The following C12orf76 variants were observed in gnomAD, a reference collection of about 807,000 sequenced individuals.
The protein encoded by C12orf76 is chromosome 12 open reading frame 76.
Under a neutral mutation model 6.8 loss-of-function variants are expected in C12orf76, and 6 were observed. The ratio of observed to expected loss-of-function variants is 0.88; its 90% confidence interval spans 0.48 to 1.73. The LOEUF is 1.73. Among genes scored for constraint, C12orf76 ranks in the 40% most tolerant of loss-of-function variants. The pLI is 0.01. For missense variants in C12orf76, 99 were observed against 98.2 expected (o/e 1.01, Z -0.03); for synonymous variants, 56 against 43.7 (o/e 1.28, Z -1.11).
chr12:110,049,083 C>T (rs1173200095), upstream of C12orf76: 13 of 152,276 alleles, frequency 8.5e-5, no homozygotes, highest in Admixed American at 8.5e-4. Flanking sequence ...AGGACCTGCT[C>T]CGCCCTAGCA....
upstream of C12orf76, among the ~76,000 whole-genome samples, chr12:110,068,495 T>A (rs1892921694): frequency 6.6e-6 from 1 of 152,160 alleles, no homozygotes; most frequent in Non-Finnish European, 1.5e-5. Context: ...GTGGTTAACG[T>A]AAGCTGGGTT....
At chr12:110,051,393 A>G (rs1892572969), upstream of C12orf76, 3 of 629,284 alleles carry the variant, frequency 4.8e-6, no homozygotes, top group Non-Finnish European at 8.6e-6. Context: ...TCTGGCACAT[A>G]CTGAGCACTC....
upstream of C12orf76, chr12:110,050,576 C>T (rs1404492158): frequency 5.7e-6 from 1 of 173,998 alleles, no homozygotes; most frequent in Non-Finnish European, 1.2e-5. Context: ...GACCTCTGGT[C>T]GTCCTCACTG....
chr12:110,062,646 G>T (rs77221803), intron 2 of C12orf76, among the ~76,000 whole-genome samples: 1 of 151,100 alleles, frequency 6.6e-6, no homozygotes, highest in Non-Finnish European at 1.5e-5. Flanking sequence ...TTGAGACAGG[G>T]TCTCACTCTG....
chr12:110,058,355 G>C (rs1892710360), intron 3 of C12orf76, among the ~76,000 whole-genome samples: 1 of 152,058 alleles, frequency 6.6e-6, no homozygotes, highest in Non-Finnish European at 1.5e-5. Flanking sequence ...GTATCCTAGT[G>C]ATTGAATATA....
upstream of C12orf76, among the ~76,000 whole-genome samples, chr12:110,052,935 G>C (rs554449772): frequency 6.6e-6 from 1 of 152,242 alleles, no homozygotes; most frequent in Non-Finnish European, 1.5e-5. Flanking sequence ...GGGCGCAGTG[G>C]CTCACGCCTG....
intron 2 of C12orf76, chr12:110,059,311 T>C (rs761643705): frequency 9.9e-7 from 1 of 1,010,880 alleles, no homozygotes; most frequent in Non-Finnish European, 1.4e-6. Context: ...GTGCCATCTG[T>C]GATTAAAGAT....
upstream of C12orf76, among the ~76,000 whole-genome samples, chr12:110,053,675 C>T (rs763828562): frequency 1.3e-5 from 2 of 152,210 alleles, no homozygotes; most frequent in Non-Finnish European, 1.5e-5. Flanking sequence ...AACTCTTGTA[C>T]ATGTGCTGGA....
rs193231057 is a variant in C12orf76 at position 110,054,849 on chromosome 12, G to A, written n.664+2340C>T. On this transcript the variant is annotated intron_variant and non_coding_transcript_variant, in intron 4 of 4. Coordinates refer to the C12orf76 transcript ENST00000309050. This position sits in a 1 kb window ranked among gnomAD's most constrained non-coding sequence, Gnocchi z 4.4. ...CTTGCTGTGTTGCCGAGGCTGGAAC[G>A]CAGTGGCTATTTCACAGGTGCAGTC... 4.6e-5 allele frequency among the ~76,000 whole-genome samples: 7 copies of A among 152,308 alleles called. No individual in the cohort carries two copies. The East Asian group carries it at 7.7e-4, about 17-fold the overall frequency.
upstream of C12orf76, among the ~76,000 whole-genome samples, chr12:110,068,285 AG>A (rs1892909796): frequency 7.0e-6 from 1 of 143,500 alleles, no homozygotes; most frequent in African/African-American, 2.5e-5. Flanking sequence ...AAGAAGAAGA[AG>A]AAGAAGAAGA....
chr12:110,073,487 G>A (rs1459341170), exon 1 of C12orf76: 3 of 521,786 alleles, frequency 5.7e-6, no homozygotes, highest in African/African-American at 3.9e-5. Flanking sequence ...TTTGGATCCG[G>A]GCGACTTTGT....
intron 4 of C12orf76, among the ~76,000 whole-genome samples, chr12:110,056,067 T>A (rs1340677859): frequency 7.1e-6 from 1 of 140,792 alleles, no homozygotes; most frequent in Admixed American, 7.2e-5. Flanking sequence ...AGCCAGACTC[T>A]ATCTCAAAAA....
intron 1 of C12orf76, among the ~76,000 whole-genome samples, chr12:110,072,823 G>A (rs545905217): frequency 5.9e-5 from 9 of 151,702 alleles, no homozygotes; most frequent in Non-Finnish European, 1.2e-4. Flanking sequence ...ACTTGGTGGC[G>A]GGGGAGGATA....
At chr12:110,061,532 AT>A (rs1307656962) in intron 2 of C12orf76, among the ~76,000 whole-genome samples, 1 of 148,160 alleles carries the variant, frequency 6.7e-6, no homozygotes, top group Non-Finnish European at 1.5e-5. Context: ...TGCACACTGC[AT>A]ACTTTTTTTT....
intron 2 of C12orf76, among the ~76,000 whole-genome samples, chr12:110,065,262 C>T (rs1892839192): frequency 6.6e-6 from 1 of 151,840 alleles, no homozygotes; most frequent in South Asian, 2.1e-4. Context: ...CCTCCGCCTC[C>T]TGGATTCAAG....
upstream of C12orf76, chr12:110,051,297 C>T: frequency 1.4e-6 from 1 of 708,220 alleles, no homozygotes; most frequent in Non-Finnish European, 2.6e-6. Context: ...CGTTTTCCCT[C>T]TCTGCACAAT....
chr12:110,049,365 A>G (rs1161125842), upstream of C12orf76: 1 of 152,576 alleles, frequency 6.6e-6, no homozygotes, highest in African/African-American at 2.4e-5. Context: ...TGTGTGAGCA[A>G]CATGGCTGTT....
upstream of C12orf76, among the ~76,000 whole-genome samples, chr12:110,069,017 T>C (rs1267192666): frequency 1.3e-5 from 2 of 152,228 alleles, no homozygotes; most frequent in Non-Finnish European, 2.9e-5. Flanking sequence ...TGATAGTAGA[T>C]AGTCCATTAA....
intron 2 of C12orf76, among the ~76,000 whole-genome samples, chr12:110,064,943 C>T (rs566161093): frequency 6.6e-6 from 1 of 152,260 alleles, no homozygotes; most frequent in African/African-American, 2.4e-5. Flanking sequence ...ACCAAGGCAG[C>T]TTTTCATAAG....
Sources: gnomAD v4.1 joint callset for allele counts (sites outside exome capture counted in the v4.1 genomes callset) on GRCh38, gnomAD v4.1.1 for gene constraint, Gnocchi (gnomAD v3.1) non-coding constraint, MANE v1.5 for transcripts, NCBI Gene and HGNC (gene_info 2026-07-23, HGNC 2026-07-21) for gene names.